Variants in RASGRF1 observed in about 807,000 individuals in gnomAD.
The protein encoded by RASGRF1 is ras-specific guanine nucleotide-releasing factor 1.
A neutral mutation model predicts 138.7 loss-of-function variants in RASGRF1; 40 were observed. The ratio of observed to expected loss-of-function variants is 0.29; its 90% CI spans 0.22 to 0.38. RASGRF1 has a LOEUF of 0.38. RASGRF1 is among the 10% of genes least tolerant of loss of function. The pLI, the probability that RASGRF1 is intolerant of heterozygous loss-of-function variation, is 1.00. For missense variants in RASGRF1, 1,108 were observed against 1,650.4 expected, an observed-to-expected ratio of 0.67 and a Z score of 5.69; for synonymous variants, 614 against 663.2, an observed-to-expected ratio of 0.93 and a Z score of 1.14.
rs1220657843 is a variant in RASGRF1, at chr15:79,017,831, G to T, written c.1682C>A (p.Thr561Lys). 1 of 1,613,070 alleles carries T rather than the reference G, an allele frequency of 6.2e-7. No individual in the cohort carries two copies. Among genetic ancestry groups the T allele is most frequent in the African/African-American group, 1.3e-5 (1 of 74,984 alleles). ...TCTGGACGAGGCCACTAGGATGACTGTAAAGGGCGGGGAATCCTTTGGCTC... is the reference window on the plus strand; with the variant it reads ...TCTGGACGAGGCCACTAGGATGACTTTAAAGGGCGGGGAATCCTTTGGCTC... ...GVEPKDSPPF[T>K]VILVASSRQE... Residue 561 changes from threonine (T) to lysine (K), a missense_variant, in exon 12 of 27, where the codon ACA becomes AAA. Transcript: ENST00000558480.
rs548773391 is a variant in RASGRF1, at chr15:79,004,764, T to A, written c.2076-589A>T. ...CTCAGGCCAGGCTGGAAACAGGTTA[T>A]ACATCCAGAACATTGCAAACCATAG... is the stretch of plus-strand genomic sequence containing the variant. On this transcript the variant is annotated intron_variant, in intron 14 of 26. Transcript: ENST00000558480. The A allele has an allele frequency of 3.3e-4, 325 of 985,682 alleles. 4 individuals are homozygous for A. In the South Asian group the frequency reaches 0.013, roughly 39 times the overall value. The allele number at this position is 985,682 out of a possible 1,614,324, so 61.1% of individuals were successfully genotyped here.
chr15:79,002,635 G>C (rs1218407144), intron 15 of RASGRF1, among the ~76,000 whole-genome samples: 1 of 152,224 alleles, frequency 6.6e-6, no homozygotes, highest in Non-Finnish European at 1.5e-5. Flanking sequence ...CCTGGTACCA[G>C]ATGACTTCTC....
chr15:79,035,829 C>A (rs745362053), intron 5 of RASGRF1, among the ~76,000 whole-genome samples: 1 of 152,210 alleles, frequency 6.6e-6, no homozygotes, highest in African/African-American at 2.4e-5. Flanking sequence ...GCACAGGAGA[C>A]GCTCAGAAAA....
intron 3 of RASGRF1, among the ~76,000 whole-genome samples, chr15:79,053,721 T>A (rs932143874): frequency 6.6e-6 from 1 of 152,032 alleles, no homozygotes; most frequent in Non-Finnish European, 1.5e-5. Flanking sequence ...CTGGGGTGGG[T>A]GCCACAGGAT....
chr15:79,058,932 T>C (rs965476859), intron 2 of RASGRF1, among the ~76,000 whole-genome samples: 3 of 152,214 alleles, frequency 2.0e-5, no homozygotes, highest in African/African-American at 7.2e-5. Context: ...AGGAGTCTGT[T>C]TTTGTACCAC....
chr15:78,980,566 G>A, intron 24 of RASGRF1, 54 bp downstream of exon 24: 1 of 1,445,590 alleles, frequency 6.9e-7, no homozygotes, highest in South Asian at 1.2e-5. Flanking sequence ...GAATGCCTCT[G>A]CAATGCAGGT....
At chr15:79,005,714 C>T (rs201740515) in intron 14 of RASGRF1, 1 of 865,562 alleles carries the variant, frequency 1.2e-6, no homozygotes, top group Non-Finnish European at 1.4e-6. Context: ...GGGTAAGAGT[C>T]CTTTCTCCCT....
At chr15:78,979,719 C>A (rs944846574) in intron 24 of RASGRF1, among the ~76,000 whole-genome samples, 1 of 152,248 alleles carries the variant, frequency 6.6e-6, no homozygotes, top group African/African-American at 2.4e-5. Context: ...CCAGGGCAAA[C>A]CTTGACAAGC....
chr15:79,014,899 A>T (rs2056852915), intron 13 of RASGRF1, among the ~76,000 whole-genome samples: 1 of 149,592 alleles, frequency 6.7e-6, no homozygotes, highest in Admixed American at 6.8e-5. Flanking sequence ...CCTGGGTGAC[A>T]GAGCAAGACT....
chr15:78,985,491 T>C (rs1365420650), intron 22 of RASGRF1: 2 of 286,028 alleles, frequency 7.0e-6, no homozygotes, highest in African/African-American at 2.2e-5. Flanking sequence ...ATGAGAACTA[T>C]GTAGGATGGA....
chr15:79,081,617 C>A (rs2057915411), intron 1 of RASGRF1, among the ~76,000 whole-genome samples: 1 of 152,170 alleles, frequency 6.6e-6, no homozygotes, highest in African/African-American at 2.4e-5. Context: ...GGGGGAAGTG[C>A]CCTTACTGGA....
chr15:79,019,957 C>A, intron 11 of RASGRF1, 84 bp downstream of exon 11: 1 of 1,537,510 alleles, frequency 6.5e-7, no homozygotes, highest in Non-Finnish European at 8.9e-7. Context: ...CCCAAAGAAA[C>A]TAATGCCTGG....
chr15:79,089,276 C>T (rs1361733710), intron 1 of RASGRF1, among the ~76,000 whole-genome samples: 1 of 152,252 alleles, frequency 6.6e-6, no homozygotes, highest in Non-Finnish European at 1.5e-5. Context: ...GATCCACTAT[C>T]ATCTGCTTTA....
intron 1 of RASGRF1, among the ~76,000 whole-genome samples, chr15:79,071,496 A>C (rs2057754859): frequency 1.3e-5 from 2 of 150,306 alleles, no homozygotes; most frequent in South Asian, 2.1e-4. Context: ...AATTGCTGGG[A>C]CTACAGGTGT....
rs747511730 is a variant in RASGRF1 at position 79,046,699 on chromosome 15, G to A, written c.878+47C>T. ...GTGTCAAAGCTTAGCTGCGGCCAAT[G>A]CTCACTAGTCTCCTTCCTGCCTTGG... On this transcript the variant is annotated intron_variant, in intron 5 of 26. Transcript: ENST00000558480. This position sits in a 1 kb window ranked among gnomAD's most constrained non-coding sequence, Gnocchi z 5.3. 9.3e-6 allele frequency: 15 copies of A among 1,605,272 alleles called. No individual in the cohort carries two copies. The Admixed American group carries it at 2.0e-4, about 21-fold the overall frequency.
chr15:79,025,329 C>A lies in RASGRF1; in HGVS notation c.1527G>T (p.Lys509Asn). The A allele has an allele frequency of 6.2e-7, 1 of 1,609,832 alleles. No homozygotes were observed. Among genetic ancestry groups the A allele is most frequent in the Non-Finnish European group, 8.5e-7 (1 of 1,176,960 alleles). ...LIICTRGSGG[K>N]LHLTKNGVIS... Reference sequence around the variant, plus strand: ...TAGCCCTTACCTTGGTCAAGTGAAGCTTCCCTCCAGAGCCTCTGGTACAGA... The same window carrying A: ...TAGCCCTTACCTTGGTCAAGTGAAGATTCCCTCCAGAGCCTCTGGTACAGA... Residue 509 changes from lysine (K) to asparagine (N), a missense_variant, in exon 10 of 27, where the codon AAG becomes AAT. Physicochemically the swap from Lys to Asn is moderately conservative, Grantham distance 94. Transcript: ENST00000558480.
intron 1 of RASGRF1, among the ~76,000 whole-genome samples, chr15:79,089,065 CA>C (rs2058018686): frequency 6.6e-6 from 1 of 152,208 alleles, no homozygotes; most frequent in South Asian, 2.1e-4. Context: ...TCAACCAATT[CA>C]ATCACCACCA....
At chr15:79,068,241 C>T (rs536908183) in intron 1 of RASGRF1, among the ~76,000 whole-genome samples, 1 of 152,136 alleles carries the variant, frequency 6.6e-6, no homozygotes, top group African/African-American at 2.4e-5. Context: ...GCCCAGGGTC[C>T]TTCTGTTCAC....
intron 20 of RASGRF1, among the ~76,000 whole-genome samples, chr15:78,992,218 G>A (rs2056285239): frequency 6.6e-6 from 1 of 152,248 alleles, no homozygotes; most frequent in East Asian, 1.9e-4. Context: ...GCCCACAGCT[G>A]GCTCTATACA....
Sources: gnomAD v4.1 joint callset for allele counts (sites outside exome capture counted in the v4.1 genomes callset) on GRCh38, gnomAD v4.1.1 for gene constraint, Gnocchi (gnomAD v3.1) non-coding constraint, MANE v1.5 for transcripts, NCBI Gene and HGNC (gene_info 2026-07-23, HGNC 2026-07-21) for gene names.